The following RUVBL1 variants were observed in gnomAD, a reference collection of about 807,000 sequenced individuals.
RUVBL1 encodes the protein RuvB like AAA ATPase 1, also known as ruvB-like 1.
A neutral mutation model predicts 52.4 loss-of-function variants in RUVBL1; 4 were observed. That is an observed-to-expected ratio of 0.08 (90% CI 0.04 to 0.17). RUVBL1 has a LOEUF of 0.17. RUVBL1 is among the 10% of genes least tolerant of loss of function. The pLI, the probability that RUVBL1 is intolerant of heterozygous loss-of-function variation, is 1.00. For synonymous variants in RUVBL1, 217 were observed against 214.4 expected, an observed-to-expected ratio of 1.01 and a Z score of -0.10; for missense variants, 298 against 572.8, an observed-to-expected ratio of 0.52 and a Z score of 4.90.
chr3:128,097,089 G>A (rs1275788469), intron 8 of RUVBL1, among the ~76,000 whole-genome samples: 1 of 152,162 alleles, frequency 6.6e-6, no homozygotes, highest in African/African-American at 2.4e-5. Context: ...GATCACGTGG[G>A]AGACCCTCCT....
intron 8 of RUVBL1, among the ~76,000 whole-genome samples, chr3:128,096,764 T>C (rs1258574431): frequency 6.6e-6 from 1 of 151,886 alleles, no homozygotes; most frequent in Non-Finnish European, 1.5e-5. Context: ...GAGGTGGAGC[T>C]TGCAGTGAGC....
At chr3:128,132,389 C>G (rs1559833959) in intron 1 of RUVBL1, among the ~76,000 whole-genome samples, 1 of 152,180 alleles carries the variant, frequency 6.6e-6, no homozygotes, top group African/African-American at 2.4e-5. Context: ...GTGCATGTGA[C>G]CTAGCAAGAC....
chr3:128,084,667 G>A (rs916479447), intron 9 of RUVBL1: 5 of 152,190 alleles, frequency 3.3e-5, no homozygotes, highest in Admixed American at 2.0e-4. Flanking sequence ...GCTCGAAAAT[G>A]GACAGTTCAT....
intron 5 of RUVBL1, among the ~76,000 whole-genome samples, 159 bp from the exon 6 acceptor site, chr3:128,100,903 G>A (rs548834720): frequency 3.3e-5 from 5 of 152,322 alleles, no homozygotes; most frequent in African/African-American, 1.2e-4. Context: ...GCCAAGAGAA[G>A]GGAGCTATCT....
intron 1 of RUVBL1, among the ~76,000 whole-genome samples, chr3:128,148,545 G>A (rs1944137943): frequency 6.6e-6 from 1 of 152,076 alleles, no homozygotes; most frequent in African/African-American, 2.4e-5. Flanking sequence ...TTAGGAGGGG[G>A]AGGCTCCTGG....
intron 1 of RUVBL1, among the ~76,000 whole-genome samples, chr3:128,151,098 CTATA>C (rs1344583502): frequency 6.7e-4 from 74 of 110,912 alleles, no homozygotes; most frequent in Middle Eastern, 5.0e-3. Context: ...TCTATATATT[CTATA>C]TATATTCTGT....
chr3:128,066,940 G>T, intron 9 of RUVBL1: 1 of 1,614,150 alleles, frequency 6.2e-7, no homozygotes, highest in Admixed American at 1.7e-5. Context: ...ATTTGGTTCT[G>T]TTTGGCTTCT....
intron 3 of RUVBL1, among the ~76,000 whole-genome samples, chr3:128,108,802 A>C (rs1010803817): frequency 1.3e-5 from 2 of 152,240 alleles, no homozygotes; most frequent in African/African-American, 2.4e-5. Flanking sequence ...ATGTTTAAAA[A>C]AAAAATACTC....
At chr3:128,116,528 C>CAAA (rs56800760) in intron 2 of RUVBL1, among the ~76,000 whole-genome samples, 1 of 99,312 alleles carries the variant, frequency 1.0e-5, no homozygotes, top group Non-Finnish European at 2.1e-5. Context: ...GACTTCATCT[C>CAAA]AAAAAAAAAA....
chr3:128,065,559 G>C (rs1181548322), intron 9 of RUVBL1, among the ~76,000 whole-genome samples: 2 of 151,920 alleles, frequency 1.3e-5, no homozygotes, highest in African/African-American at 2.4e-5. Flanking sequence ...TTGTATTTTG[G>C]TGTTTATTTA....
intron 8 of RUVBL1, among the ~76,000 whole-genome samples, chr3:128,088,660 T>C (rs1009664426): frequency 2.6e-5 from 4 of 151,960 alleles, no homozygotes; most frequent in Non-Finnish European, 4.4e-5. Flanking sequence ...TGGAGTGCAG[T>C]GGCATGATTC....
rs770759889 is a variant in RUVBL1 at position 128,112,789 on chromosome 3, C to T, written c.361+99G>A. ...TGCCAAAAGAAAAACAGCAGTGCCA[C>T]GAATACCAGTCATAAAGGCATCTTC... On this transcript the variant is annotated intron_variant, in intron 3 of 10. Coordinates refer to ENST00000322623, the MANE Select transcript of RUVBL1 (RefSeq NM_003707.3). 5.9e-6 allele frequency: 8 copies of T among 1,344,698 alleles called. No individual in the cohort carries two copies. The Admixed American group carries it at 1.4e-4, about 23-fold the overall frequency. The allele number at this position is 1,344,698 out of a possible 1,614,324, so 83.3% of individuals were successfully genotyped here.
intron 2 of RUVBL1, among the ~76,000 whole-genome samples, chr3:128,113,830 A>G (rs73861003): frequency 2.4e-4 from 36 of 152,330 alleles, no homozygotes; most frequent in African/African-American, 8.7e-4. Flanking sequence ...TCTTTGAGAT[A>G]CCTGCTTTCT....
intron 2 of RUVBL1, among the ~76,000 whole-genome samples, chr3:128,118,035 T>C (rs1308981314): frequency 6.6e-6 from 1 of 152,102 alleles, no homozygotes; most frequent in Non-Finnish European, 1.5e-5. Flanking sequence ...GGCAACATAA[T>C]GAATGCAAAC....
At chr3:128,089,854 G>A (rs1347569973) in intron 8 of RUVBL1, among the ~76,000 whole-genome samples, 1 of 142,824 alleles carries the variant, frequency 7.0e-6, no homozygotes, top group Admixed American at 7.3e-5. Flanking sequence ...AGGTTGCAGT[G>A]AGCCAAGACT....
downstream of RUVBL1, among the ~76,000 whole-genome samples, chr3:128,077,676 T>C (rs1371107690): frequency 6.6e-6 from 1 of 152,228 alleles, no homozygotes; most frequent in Non-Finnish European, 1.5e-5. Flanking sequence ...TGCTACCCCC[T>C]CTGCTCTTGG....
Position 128,130,616 on chromosome 3 carries a change from TTTA to T in RUVBL1, c.-39-11205_-39-11203del, listed in dbSNP as rs1559833157. Among the ~76,000 whole-genome samples the T allele has an allele frequency of 1.0e-3, 40 of 39,796 alleles. 2 individuals carry two copies. The highest frequency in any genetic ancestry group is 3.6e-3 in the African/African-American group (27 of 7,432). 26.1% of individuals were successfully genotyped at this position (39,796 alleles called of 152,430 possible). A position where few individuals can be genotyped will look rare whatever the true frequency, so the allele number is the denominator to read the frequency against. ...TCTACAAAAAAAAAAAAAAAAAAAT[TTTA>T]TTTATTTATGTATTTATTTATTTAT... On this transcript the variant is annotated intron_variant, in intron 1 of 9. Transcript: ENST00000464873.
At chr3:128,135,519 C>A (rs1363198123) in intron 1 of RUVBL1, among the ~76,000 whole-genome samples, 1 of 152,162 alleles carries the variant, frequency 6.6e-6, no homozygotes, top group African/African-American at 2.4e-5. Flanking sequence ...GGCTACAGAG[C>A]AAGACTCCAT....
At chr3:128,099,961 C>A (rs1943074949) in intron 6 of RUVBL1, among the ~76,000 whole-genome samples, 1 of 152,180 alleles carries the variant, frequency 6.6e-6, no homozygotes, top group Non-Finnish European at 1.5e-5. Flanking sequence ...ACCAAGGGGA[C>A]CTGTTGGTCC....
Sources: allele counts gnomAD v4.1 joint callset (sites outside exome capture counted in the v4.1 genomes callset), GRCh38; gene constraint gnomAD v4.1.1; transcripts MANE v1.5; gene names NCBI Gene and HGNC (gene_info 2026-07-23, HGNC 2026-07-21).